The following PRKCZ variants were observed in gnomAD, a reference collection of about 807,000 sequenced individuals.
PRKCZ encodes protein kinase C zeta, also known as protein kinase C zeta type.
PRKCZ carries 33 observed loss-of-function variants against 79.5 expected under a neutral mutation model. That is an observed-to-expected ratio of 0.41 (90% CI 0.31 to 0.55). The LOEUF (loss-of-function observed/expected upper bound fraction) is 0.55, where lower values mean the gene tolerates loss of function less well. Ranked by LOEUF, PRKCZ falls within the 20% of genes least tolerant of loss-of-function variation. The probability of loss-of-function intolerance (pLI) is 0.19; values close to 1 mark genes in which losing one functional copy is unlikely to be tolerated. For missense variants in PRKCZ, 578 were observed against 813.5 expected (o/e 0.71, Z 3.52); for synonymous variants, 342 against 320.9 (o/e 1.07, Z -0.70).
chr1:2,120,746 A>C (rs1241303883), intron 4 of PRKCZ, among the ~76,000 whole-genome samples: 2 of 150,244 alleles, frequency 1.3e-5, no homozygotes, highest in Non-Finnish European at 3.0e-5. Context: ...TTCTACTGTT[A>C]TCTCTTATTT....
chr1:2,071,020 C>A (rs1364941351), intron 4 of PRKCZ, among the ~76,000 whole-genome samples: 1 of 152,082 alleles, frequency 6.6e-6, no homozygotes, highest in Non-Finnish European at 1.5e-5. Flanking sequence ...CCCGGGGCTA[C>A]CATGGAGTCG....
intron 4 of PRKCZ, among the ~76,000 whole-genome samples, chr1:2,133,302 G>T (rs1037465508): frequency 1.7e-4 from 24 of 143,436 alleles, no homozygotes; most frequent in Admixed American, 2.8e-4. Flanking sequence ...CTGCGGCTCC[G>T]CCCGCAGCTG....
chr1:2,176,327 A>AG (rs1158893723), intron 16 of PRKCZ, among the ~76,000 whole-genome samples: 2 of 152,060 alleles, frequency 1.3e-5, no homozygotes, highest in Admixed American at 1.3e-4. Flanking sequence ...AAGGCAGGTA[A>AG]GGCTGCGCCG....
intron 2 of PRKCZ, among the ~76,000 whole-genome samples, chr1:2,056,238 G>A (rs1660146710): frequency 6.6e-6 from 1 of 152,210 alleles, no homozygotes; most frequent in African/African-American, 2.4e-5. Context: ...CCCTCCAAGT[G>A]GTGCCCAGGG....
Position 2,051,280 on chromosome 1 carries a change from G to C in PRKCZ, c.71+579G>C, listed in dbSNP as rs117092287. On this transcript the variant is annotated intron_variant, in intron 1 of 17. Coordinates refer to ENST00000378567, the MANE Select transcript of PRKCZ (RefSeq NM_002744.6). ...ACCCGCCCCCCGGAGGCCCTTGCCT[G>C]GCTGTGGGAGGGGGCGCGGTCAGGT... Among the ~76,000 whole-genome samples, 618 of 152,328 alleles carry C rather than the reference G, an allele frequency of 4.1e-3. 21 individuals are homozygous for C. In the East Asian group the frequency reaches 0.085, roughly 21 times the overall value.
chr1:2,053,393 C>T (rs1030307776), intron 1 of PRKCZ, among the ~76,000 whole-genome samples: 4 of 152,208 alleles, frequency 2.6e-5, no homozygotes, highest in Admixed American at 2.0e-4. Context: ...GTCACCGCGC[C>T]TGGCCCAGCT....
At chr1:2,151,055 T>G in intron 9 of PRKCZ, 77 bp downstream of exon 9, 2 of 1,510,872 alleles carry the variant, frequency 1.3e-6, no homozygotes, top group East Asian at 4.6e-5. Context: ...TTAGCGGAAT[T>G]AATCCATGCA....
At chr1:2,074,258 T>C in intron 4 of PRKCZ, 1 of 1,550,388 alleles carries the variant, frequency 6.4e-7, no homozygotes, top group Non-Finnish European at 8.7e-7. Flanking sequence ...AGGGACATGC[T>C]CACCCCGAGG....
At chr1:2,085,611 G>T (rs1387647680) in intron 4 of PRKCZ, among the ~76,000 whole-genome samples, 1 of 151,372 alleles carries the variant, frequency 6.6e-6, no homozygotes, top group Non-Finnish European at 1.5e-5. Flanking sequence ...TGTTCTCAGA[G>T]CCCGTGAGGC....
intron 5 of PRKCZ, chr1:2,143,930 C>T (rs147337552): frequency 1.7e-4 from 60 of 359,150 alleles, no homozygotes; most frequent in African/African-American, 1.0e-3. Context: ...AGCAGCACCT[C>T]GTCACCCCTG....
rs780043393 is a variant in PRKCZ at position 2,168,299 on chromosome 1, G to A, written c.975-1219G>A. The stretch of plus-strand genomic sequence containing the variant: ...CTTTATTTACAAAACAGGGAGCAGT[G>A]GACCAGCGAGTCCCCAAGGACAAGG... On this transcript the variant is annotated intron_variant, in intron 10 of 17. Coordinates refer to ENST00000378567, the MANE Select transcript of PRKCZ (RefSeq NM_002744.6). The surrounding 1 kb of genome is among the most constrained non-coding windows in gnomAD (Gnocchi z 4.7). 6.6e-6 allele frequency among the ~76,000 whole-genome samples: 1 copy of A among 152,144 alleles called. No homozygotes were observed. Among genetic ancestry groups the A allele is most frequent in the Non-Finnish European group, 1.5e-5 (1 of 68,036 alleles).
chr1:2,145,676 G>A (rs989382465), intron 6 of PRKCZ, among the ~76,000 whole-genome samples: 5 of 152,198 alleles, frequency 3.3e-5, no homozygotes, highest in African/African-American at 1.2e-4. Context: ...CACTTTGGGA[G>A]GCCAAGGTGG....
At chr1:2,063,118 G>C (rs1660837927) in intron 4 of PRKCZ, among the ~76,000 whole-genome samples, 1 of 152,064 alleles carries the variant, frequency 6.6e-6, no homozygotes, top group Non-Finnish European at 1.5e-5. Flanking sequence ...TCCTTCTCAA[G>C]ACTGAACCGC....
intron 4 of PRKCZ, among the ~76,000 whole-genome samples, chr1:2,095,707 C>G (rs1666342622): frequency 6.8e-6 from 1 of 147,788 alleles, no homozygotes; most frequent in Non-Finnish European, 1.5e-5. Flanking sequence ...CAGCTCCCCT[C>G]CCCTCCCCTC....
chr1:2,059,721 C>T (rs1660498673), intron 4 of PRKCZ, 130 bp downstream of exon 4: 25 of 1,205,884 alleles, frequency 2.1e-5, no homozygotes, highest in Non-Finnish European at 2.9e-5. Flanking sequence ...GCAGGAGCAG[C>T]CGTGGTGACC....
chr1:2,087,433 A>G (rs1281739898), intron 4 of PRKCZ, among the ~76,000 whole-genome samples: 1 of 152,062 alleles, frequency 6.6e-6, no homozygotes, highest in African/African-American at 2.4e-5. Context: ...GCCACGGCTC[A>G]CCGTGGCAAC....
At position 2,168,804 on chromosome 1, in the gene PRKCZ, A is replaced by G. The variant is rs979768223; in HGVS notation, c.975-714A>G. 5 of 196,670 alleles carry G rather than the reference A, an allele frequency of 2.5e-5. No homozygotes were observed. The highest frequency in any genetic ancestry group is 1.2e-4 in the African/African-American group (5 of 42,558). The allele number at this position is 196,670 out of a possible 1,614,324, so 12.2% of individuals were successfully genotyped here. A position where few individuals can be genotyped will look rare whatever the true frequency, so the allele number is the denominator to read the frequency against. On this transcript the variant is annotated intron_variant, in intron 10 of 17. Transcript: ENST00000378567. This position sits in a 1 kb window ranked among gnomAD's most constrained non-coding sequence, Gnocchi z 4.7. ...GGTGCCAGAGGAGCCGCTGACCTAA[A>G]AAAACCCGCCACAGGGTATTTCTGG... is the stretch of plus-strand genomic sequence containing the variant.
In PRKCZ at chr1:2,144,231, A is replaced by C; in HGVS notation, c.442A>C (p.Ser148Arg). The C allele has an allele frequency of 6.4e-7, 1 of 1,552,712 alleles. No individual in the cohort carries two copies. Among genetic ancestry groups the C allele is most frequent in the Non-Finnish European group, 8.7e-7 (1 of 1,147,396 alleles). The change falls in exon 6 of 18, where the codon AGC (serine) becomes CGC (arginine). Residue 148 changes from serine to arginine, a missense_variant. Around this residue, in one of 4 missense-constraint regions of PRKCZ, gnomAD observed 228 missense variants for 211.6 expected, o/e 1.08. Transcript: ENST00000378567. ...GCAGAGAGCGTACTGCGGTCAGTGC[A>C]GCGAGAGGATATGGGGCCTCGCGAG... ...FNRRAYCGQC[S>R]ERIWGLARQG...
intron 7 of PRKCZ, among the ~76,000 whole-genome samples, chr1:2,147,495 C>A (rs1035023820): frequency 6.7e-6 from 1 of 150,176 alleles, no homozygotes; most frequent in Non-Finnish European, 1.5e-5. Flanking sequence ...CATCTGTTGT[C>A]CACTGACGTC....
Sources: allele counts gnomAD v4.1 joint callset (sites outside exome capture counted in the v4.1 genomes callset), GRCh38; gene constraint gnomAD v4.1.1; regional missense constraint gnomAD v4.1.1; non-coding constraint Gnocchi (gnomAD v3.1); transcripts MANE v1.5; gene names NCBI Gene and HGNC (gene_info 2026-07-23, HGNC 2026-07-21).